Variants in GPR39 observed in about 807,000 individuals in gnomAD.
GPR39 encodes G protein-coupled receptor 39.
In GPR39, 23 loss-of-function variants were observed where a neutral mutation model predicts 18.4. The ratio of observed to expected loss-of-function variants is 1.25; its 90% CI spans 0.90 to 1.77. The LOEUF is 1.77. GPR39 is among the 40% of genes most tolerant of loss of function. The pLI is 0.00. For missense variants in GPR39, 647 were observed against 602.4 expected, an observed-to-expected ratio of 1.07 and a Z score of -0.78; for synonymous variants, 280 against 257.9, an observed-to-expected ratio of 1.09 and a Z score of -0.82.
intron 1 of GPR39, among the ~76,000 whole-genome samples, chr2:132,603,940 C>T (rs1208988875): frequency 6.6e-6 from 1 of 152,020 alleles, no homozygotes; most frequent in Non-Finnish European, 1.5e-5. Flanking sequence ...GTGGGAGGGA[C>T]AGGAAAATGT....
At chr2:132,642,312 A>G (rs1461968120) in intron 1 of GPR39, among the ~76,000 whole-genome samples, 5 of 151,994 alleles carry the variant, frequency 3.3e-5, no homozygotes, top group Non-Finnish European at 5.9e-5. Context: ...CATCATTGTG[A>G]CTCTGAGTTG....
chr2:132,586,849 C>A lies in GPR39; in HGVS notation c.857-58252C>A, dbSNP rs546658217. The stretch of plus-strand genomic sequence containing the variant: ...CATGTACCTGGTTTCAAATGACTCT[C>A]AGCAATATCTCCAACTTCTTCAGGA... On this transcript the variant is annotated intron_variant, in intron 1 of 1. Coordinates refer to ENST00000329321, the MANE Select transcript of GPR39 (RefSeq NM_001508.3). Among the ~76,000 whole-genome samples, 3 of 152,294 alleles carry A rather than the reference C, an allele frequency of 2.0e-5. No individual in the cohort carries two copies. In the South Asian group the frequency reaches 6.2e-4, roughly 32 times the overall value.
chr2:132,617,754 TAA>T (rs1573700906), intron 1 of GPR39, among the ~76,000 whole-genome samples: 1 of 152,178 alleles, frequency 6.6e-6, no homozygotes, highest in African/African-American at 2.4e-5. Flanking sequence ...AAATTCAGAT[TAA>T]GGGCATAAGT....
intron 1 of GPR39, among the ~76,000 whole-genome samples, chr2:132,517,070 G>A (rs538786752): frequency 1.3e-5 from 2 of 151,844 alleles, no homozygotes; most frequent in South Asian, 4.2e-4. Context: ...TTTTAAAAGC[G>A]GACACTCTTC....
chr2:132,432,352 A>G (rs1348896397), intron 1 of GPR39, among the ~76,000 whole-genome samples: 3 of 152,180 alleles, frequency 2.0e-5, no homozygotes, highest in African/African-American at 7.2e-5. Flanking sequence ...GGGATGTACT[A>G]TCATGATGCA....
At chr2:132,530,683 A>C (rs1016229114) in intron 1 of GPR39, among the ~76,000 whole-genome samples, 86 of 152,362 alleles carry the variant, frequency 5.6e-4, no homozygotes, top group Middle Eastern at 6.8e-3. Context: ...GCCAGAAGAG[A>C]GTGGGGGCTC....
chr2:132,645,387 C>T lies in GPR39; in HGVS notation c.1143C>T (p.Thr381=), dbSNP rs762673015. 1.4e-5 allele frequency: 23 copies of T among 1,613,816 alleles called. No homozygotes were observed. In the South Asian group the frequency reaches 2.5e-4, roughly 18 times the overall value. ...EKRLRVHAHS[T]TDSARFVQRP... ...GCCTGCGCGTACATGCGCACTCCACCACCGACAGCGCCCGCTTTGTGCAGC... is the reference window on the plus strand; with the variant it reads ...GCCTGCGCGTACATGCGCACTCCACTACCGACAGCGCCCGCTTTGTGCAGC... Residue 381 remains threonine, a synonymous_variant, in exon 2 of 2, where the codon ACC becomes ACT. Coordinates refer to ENST00000329321, the MANE Select transcript of GPR39 (RefSeq NM_001508.3).
At chr2:132,521,885 A>C (rs1679432390) in intron 1 of GPR39, among the ~76,000 whole-genome samples, 1 of 152,224 alleles carries the variant, frequency 6.6e-6, no homozygotes, top group African/African-American at 2.4e-5. Context: ...CCTTAATGGA[A>C]CAAAGTGTTC....
At chr2:132,471,071 T>C (rs4352271) in intron 1 of GPR39, among the ~76,000 whole-genome samples, 70,914 of 151,978 alleles carry the variant, frequency 0.47, 17,581 homozygotes, top group Non-Finnish European at 0.55. Context: ...CATGCTAATG[T>C]GTTACTGAGC....
At chr2:132,494,857 A>G (rs188512858) in intron 1 of GPR39, among the ~76,000 whole-genome samples, 29 of 152,316 alleles carry the variant, frequency 1.9e-4, no homozygotes, top group Admixed American at 1.9e-3. Context: ...ATTTTTTGGA[A>G]AAAACTGAGG....
rs149057156 is a variant in GPR39 at position 132,529,250 on chromosome 2, T to A, written c.856+111352T>A. On this transcript the variant is annotated intron_variant, in intron 1 of 1. Transcript: ENST00000329321. ...GGGTCCTATGCACATGTAGCCTCGCTCATTGCTAGCACAGCAGTCTGAGAT... is the reference window on the plus strand; with the variant it reads ...GGGTCCTATGCACATGTAGCCTCGCACATTGCTAGCACAGCAGTCTGAGAT... Among the ~76,000 whole-genome samples, 461 of 152,234 alleles carry A rather than the reference T, an allele frequency of 3.0e-3. 4 individuals are homozygous for A. Among genetic ancestry groups the A allele is most frequent in the African/African-American group, 0.01 (435 of 41,552 alleles).
intron 1 of GPR39, among the ~76,000 whole-genome samples, chr2:132,422,422 G>A (rs558644159): frequency 6.0e-5 from 9 of 150,282 alleles, no homozygotes; most frequent in East Asian, 1.9e-4. Flanking sequence ...TGTATATTTC[G>A]TATTACACAG....
intron 1 of GPR39, among the ~76,000 whole-genome samples, chr2:132,425,630 C>T (rs1680106415): frequency 6.6e-6 from 1 of 152,106 alleles, no homozygotes; most frequent in Non-Finnish European, 1.5e-5. Context: ...AATTAAGTTC[C>T]CAAATCTGTT....
At chr2:132,489,407 T>G (rs1217311548) in intron 1 of GPR39, among the ~76,000 whole-genome samples, 2 of 152,002 alleles carry the variant, frequency 1.3e-5, no homozygotes, top group Non-Finnish European at 2.9e-5. Context: ...CTAGCTCTGG[T>G]GACTGTGACT....
chr2:132,509,533 C>T (rs7577419), intron 1 of GPR39, among the ~76,000 whole-genome samples: 53,240 of 151,910 alleles, frequency 0.35, 10,412 homozygotes, highest in East Asian at 0.79. Context: ...GACATAGAGA[C>T]ATACTTATAA....
chr2:132,488,164 A>T (rs548457883), intron 1 of GPR39, among the ~76,000 whole-genome samples: 1 of 152,340 alleles, frequency 6.6e-6, no homozygotes, highest in East Asian at 1.9e-4. Flanking sequence ...CAATTATTTA[A>T]GACCTTTGTT....
At chr2:132,549,759 A>T (rs6741093) in intron 1 of GPR39, among the ~76,000 whole-genome samples, 1 of 151,786 alleles carries the variant, frequency 6.6e-6, no homozygotes, top group Admixed American at 6.6e-5. Flanking sequence ...CTGCATTCTA[A>T]TCCGGTGACA....
intron 1 of GPR39, among the ~76,000 whole-genome samples, chr2:132,490,966 G>A (rs1056199810): frequency 6.6e-5 from 10 of 152,144 alleles, no homozygotes; most frequent in African/African-American, 2.4e-4. Context: ...CCAGGCCCGC[G>A]AGCTGAATTC....
chr2:132,445,061 A>G (rs539289293), intron 1 of GPR39, among the ~76,000 whole-genome samples: 11 of 152,282 alleles, frequency 7.2e-5, no homozygotes, highest in South Asian at 4.2e-4. Context: ...TTGGGTGTCA[A>G]TGTGATAGTT....
Sources: allele counts gnomAD v4.1 joint callset (sites outside exome capture counted in the v4.1 genomes callset), GRCh38; gene constraint gnomAD v4.1.1; transcripts MANE v1.5; gene names NCBI Gene and HGNC (gene_info 2026-07-23, HGNC 2026-07-21).